The following ADAMTS19 variants were observed in gnomAD, a reference collection of about 807,000 sequenced individuals.
The protein encoded by ADAMTS19 is A disintegrin and metalloproteinase with thrombospondin motifs 19.
Under a neutral mutation model 153.3 loss-of-function variants are expected in ADAMTS19, and 93 were observed. The ratio of observed to expected loss-of-function variants is 0.61; its 90% CI spans 0.51 to 0.72. ADAMTS19 has a LOEUF of 0.72. Ranked by LOEUF, ADAMTS19 falls within the 30% of genes least tolerant of loss-of-function variation. The pLI is 0.00. For synonymous variants in ADAMTS19, 600 were observed against 556.6 expected, an observed-to-expected ratio of 1.08 and a Z score of -1.10; for missense variants, 1,482 against 1,552.1, an observed-to-expected ratio of 0.95 and a Z score of 0.76.
chr5:129,564,569 G>GA (rs1381016457), intron 7 of ADAMTS19, among the ~76,000 whole-genome samples: 1 of 152,204 alleles, frequency 6.6e-6, no homozygotes, highest in African/African-American at 2.4e-5. Context: ...CATATCCGAT[G>GA]AGACAGTAAA....
chr5:129,647,967 A>C, intron 12 of ADAMTS19, 72 bp downstream of exon 12: 2 of 1,502,928 alleles, frequency 1.3e-6, no homozygotes, highest in Non-Finnish European at 9.0e-7. Flanking sequence ...CTGATAAAGC[A>C]TGTTGGAAAG....
At chr5:129,556,842 C>T (rs557628031) in intron 7 of ADAMTS19, among the ~76,000 whole-genome samples, 27 of 152,214 alleles carry the variant, frequency 1.8e-4, no homozygotes, top group South Asian at 1.5e-3. Flanking sequence ...TCCCTAGAGC[C>T]GACATAAGTG....
At chr5:129,693,911 T>C (rs1755444007) in intron 18 of ADAMTS19, among the ~76,000 whole-genome samples, 1 of 152,286 alleles carries the variant, frequency 6.6e-6, no homozygotes, top group East Asian at 1.9e-4. Flanking sequence ...GGGTCTTTAT[T>C]AGAGGTGATA....
chr5:129,481,139 T>G (rs1750394201), intron 2 of ADAMTS19, among the ~76,000 whole-genome samples: 1 of 151,906 alleles, frequency 6.6e-6, no homozygotes, highest in African/African-American at 2.4e-5. Context: ...ACAAAAGAGG[T>G]TTAATTGACT....
chr5:129,658,373 GAGAGGA>G (rs1561632525), intron 14 of ADAMTS19, among the ~76,000 whole-genome samples: 42 of 151,398 alleles, frequency 2.8e-4, no homozygotes, highest in African/African-American at 1.0e-3. Flanking sequence ...AAGAAAGAGA[GAGAGGA>G]AGGAAGGAAG....
At chr5:129,465,229 A>C (rs866316372) in intron 2 of ADAMTS19, among the ~76,000 whole-genome samples, 65 of 152,336 alleles carry the variant, frequency 4.3e-4, no homozygotes, top group Middle Eastern at 3.4e-3. Flanking sequence ...CATCTTTAAA[A>C]ATTAAAACAC....
intron 6 of ADAMTS19, among the ~76,000 whole-genome samples, chr5:129,535,831 A>C (rs2126786138): frequency 6.6e-6 from 1 of 152,296 alleles, no homozygotes; most frequent in African/African-American, 2.4e-5. Context: ...CTATTTAATA[A>C]ATGGTGCTGG....
intron 2 of ADAMTS19, among the ~76,000 whole-genome samples, chr5:129,492,539 A>G (rs12109351): frequency 4.4e-4 from 55 of 125,864 alleles, no homozygotes; most frequent in African/African-American, 1.5e-3. Context: ...GTGTATGTGT[A>G]TATATGTATG....
At chr5:129,464,805 T>C (rs925045904) in intron 2 of ADAMTS19, among the ~76,000 whole-genome samples, 1 of 152,260 alleles carries the variant, frequency 6.6e-6, no homozygotes, top group Admixed American at 6.5e-5. Context: ...GCAATTGATC[T>C]GTGAAGTGTT....
chr5:129,678,504 T>G (rs1754653092), intron 16 of ADAMTS19, among the ~76,000 whole-genome samples: 1 of 152,028 alleles, frequency 6.6e-6, no homozygotes. Flanking sequence ...GTTCCAGAAC[T>G]TTGAATGTTG....
intron 2 of ADAMTS19, among the ~76,000 whole-genome samples, chr5:129,503,394 C>T (rs576191562): frequency 6.6e-6 from 1 of 152,100 alleles, no homozygotes; most frequent in Non-Finnish European, 1.5e-5. Context: ...TACAGTAATA[C>T]TGAAATGATA....
chr5:129,608,090 A>ACG lies in ADAMTS19; in HGVS notation c.1478+11426_1478+11427insCG, dbSNP rs1750999447. On this transcript the variant is annotated intron_variant, in intron 8 of 22. Coordinates refer to ENST00000274487, the MANE Select transcript of ADAMTS19 (RefSeq NM_133638.6). The stretch of plus-strand genomic sequence containing the variant: ...ATTATATAATTGGAATTTTATATAT[A>ACG]TGTGTGTGTGTGTGTGTGTGTGTGT... 4.2e-4 allele frequency among the ~76,000 whole-genome samples: 44 copies of ACG among 104,544 alleles called. No homozygotes were observed. The South Asian group carries it at 0.012, about 28-fold the overall frequency. The allele number at this position is 104,544 out of a possible 152,430, so 68.6% of individuals were successfully genotyped here.
In ADAMTS19 at chr5:129,654,334, T is replaced by C. The variant is rs1377848392; in HGVS notation, c.2205T>C (p.Pro735=). The C allele has an allele frequency of 6.2e-7, 1 of 1,612,548 alleles. No homozygotes were observed. Among genetic ancestry groups the C allele is most frequent in the Non-Finnish European group, 8.5e-7 (1 of 1,179,682 alleles). The change falls in exon 14 of 23, where the codon CCT becomes CCC. Residue 735 remains proline (P), a synonymous_variant. Coordinates refer to ENST00000274487, the MANE Select transcript of ADAMTS19 (RefSeq NM_133638.6). Reference sequence around the variant, plus strand: ...AACCATGTGCCTTGTTTTGCTCTCCTGTTGGAAAAGAACAGCCTATTCTTC... The same window carrying C: ...AACCATGTGCCTTGTTTTGCTCTCCCGTTGGAAAAGAACAGCCTATTCTTC... ...EEKPCALFCS[P]VGKEQPILLS...
intron 16 of ADAMTS19, among the ~76,000 whole-genome samples, chr5:129,673,992 A>T (rs1754432689): frequency 6.6e-6 from 1 of 152,056 alleles, no homozygotes; most frequent in Non-Finnish European, 1.5e-5. Context: ...GCACTTTGGG[A>T]GGCTGAGGTG....
chr5:129,620,304 G>A (rs1445676519), intron 8 of ADAMTS19, among the ~76,000 whole-genome samples: 1 of 151,912 alleles, frequency 6.6e-6, no homozygotes, highest in Admixed American at 6.6e-5. Flanking sequence ...TTATTTCTGA[G>A]TTTCATACAT....
chr5:129,463,819 G>T (rs1473112017), intron 2 of ADAMTS19, among the ~76,000 whole-genome samples: 1 of 152,134 alleles, frequency 6.6e-6, no homozygotes, highest in Non-Finnish European at 1.5e-5. Context: ...AAATTCTATT[G>T]GATATTTAAT....
intron 14 of ADAMTS19, 85 bp downstream of exon 14, chr5:129,654,518 C>A: frequency 1.4e-6 from 2 of 1,449,930 alleles, no homozygotes; most frequent in Middle Eastern, 1.8e-4. Flanking sequence ...TGGTGGAAAG[C>A]TTTGGACTTA....
At chr5:129,492,938 TTGC>T (rs1750815171) in intron 2 of ADAMTS19, among the ~76,000 whole-genome samples, 1 of 152,194 alleles carries the variant, frequency 6.6e-6, no homozygotes, top group Non-Finnish European at 1.5e-5. Flanking sequence ...CACTATATAG[TTGC>T]TGCTTTATGT....
chr5:129,644,020 T>TA (rs34085457), intron 11 of ADAMTS19, among the ~76,000 whole-genome samples: 63,555 of 152,054 alleles, frequency 0.42, 14,760 homozygotes, highest in African/African-American at 0.63. Flanking sequence ...TTTATTTTTA[T>TA]ATCTGGCACC....
Sources: allele counts gnomAD v4.1 joint callset (sites outside exome capture counted in the v4.1 genomes callset), GRCh38; gene constraint gnomAD v4.1.1; transcripts MANE v1.5; gene names NCBI Gene and HGNC (gene_info 2026-07-23, HGNC 2026-07-21).